The following PTPRN2 variants were observed in gnomAD, a reference collection of about 807,000 sequenced individuals.
PTPRN2 encodes protein tyrosine phosphatase receptor type N2.
In PTPRN2, 74 loss-of-function variants were observed where a neutral mutation model predicts 118.8. The observed-to-expected ratio is 0.62, with a 90% CI of 0.52 to 0.76. PTPRN2 has a LOEUF of 0.76. PTPRN2 is among the 30% of genes least tolerant of loss of function. The pLI is 0.00. For synonymous variants in PTPRN2, 641 were observed against 608.0 expected (o/e 1.05, Z -0.80); for missense variants, 1,481 against 1,394.4 (o/e 1.06, Z -0.99).
chr7:157,655,368 C>G (rs558264918), intron 14 of PTPRN2, among the ~76,000 whole-genome samples: 2 of 152,364 alleles, frequency 1.3e-5, no homozygotes, highest in Non-Finnish European at 2.9e-5. Context: ...AGGCCTCCAG[C>G]CTTGATCTCC....
At chr7:158,131,233 CAACA>C (rs199798384) in intron 9 of PTPRN2, among the ~76,000 whole-genome samples, 2,822 of 151,768 alleles carry the variant, frequency 0.019, 70 homozygotes, top group African/African-American at 0.057. Context: ...CACACACACC[CAACA>C]AACACACATA....
rs549285930 is a variant in PTPRN2, at chr7:158,506,478, C to T, written c.113-16693G>A. ...TCAGAGGCTTCCTGAGCCAAGCACA[C>T]GGGAGAGGAACCCACCCAGGCCACC... On this transcript the variant is annotated intron_variant, in intron 1 of 22. Transcript: ENST00000389418. 1.7e-4 allele frequency among the ~76,000 whole-genome samples: 26 copies of T among 152,222 alleles called. No homozygotes were observed. In the East Asian group the frequency reaches 2.3e-3, roughly 14 times the overall value.
At chr7:157,561,439 C>T (rs538760861) in intron 21 of PTPRN2, among the ~76,000 whole-genome samples, 1 of 152,374 alleles carries the variant, frequency 6.6e-6, no homozygotes, top group South Asian at 2.1e-4. Context: ...AGCGAAGCTG[C>T]CCCTCTGTCC....
At chr7:158,243,123 A>C (rs1795991277) in intron 3 of PTPRN2, among the ~76,000 whole-genome samples, 2 of 152,338 alleles carry the variant, frequency 1.3e-5, no homozygotes, top group Admixed American at 1.3e-4. Flanking sequence ...TAGAAAACAA[A>C]ATAAGCTAAC....
intron 5 of PTPRN2, among the ~76,000 whole-genome samples, chr7:158,171,310 T>C (rs200892810): frequency 0.043 from 2,919 of 67,434 alleles, 161 homozygotes; most frequent in South Asian, 0.086. Flanking sequence ...TATACACACA[T>C]ATATATATAT....
At chr7:158,095,249 G>C (rs1434878325) in intron 10 of PTPRN2, among the ~76,000 whole-genome samples, 1 of 150,606 alleles carries the variant, frequency 6.6e-6, no homozygotes, top group Non-Finnish European at 1.5e-5. Flanking sequence ...AGAAAAATAA[G>C]AATAACGCCA....
rs1166824661 is a variant in PTPRN2 at position 157,622,986 on chromosome 7, C to T, written c.2197-1477G>A. On this transcript the variant is annotated intron_variant, in intron 14 of 22. Coordinates refer to ENST00000389418, the MANE Select transcript of PTPRN2 (RefSeq NM_002847.5). This position sits in a 1 kb window ranked among gnomAD's most constrained non-coding sequence, Gnocchi z 5.3. ...CCAAAGCGAACGAGTTCATCTACTC[C>T]CGTCACCAGCCCCGACACCCAGGAA... 6.6e-6 allele frequency among the ~76,000 whole-genome samples: 1 copy of T among 152,184 alleles called. No individual in the cohort carries two copies. The highest frequency in any genetic ancestry group is 2.4e-5 in the African/African-American group (1 of 41,446).
At chr7:158,333,451 C>G (rs1353636037) in intron 2 of PTPRN2, among the ~76,000 whole-genome samples, 4 of 146,130 alleles carry the variant, frequency 2.7e-5, no homozygotes, top group Non-Finnish European at 5.9e-5. Context: ...CTGCAGACGT[C>G]TCTCACACCC....
At chr7:158,085,849 T>C (rs1813354508) in intron 10 of PTPRN2, among the ~76,000 whole-genome samples, 1 of 122,258 alleles carries the variant, frequency 8.2e-6, no homozygotes, top group Non-Finnish European at 1.7e-5. Flanking sequence ...ATGACGCCCA[T>C]CCACACCCAC....
chr7:158,350,141 G>T (rs1807816760), intron 2 of PTPRN2, among the ~76,000 whole-genome samples: 1 of 152,158 alleles, frequency 6.6e-6, no homozygotes, highest in South Asian at 2.1e-4. Context: ...AGAAGGCCCT[G>T]GCATGTTCAC....
intron 11 of PTPRN2, among the ~76,000 whole-genome samples, chr7:157,969,515 G>C (rs1802171977): frequency 6.6e-6 from 1 of 152,178 alleles, no homozygotes; most frequent in Non-Finnish European, 1.5e-5. Context: ...TGGGGAGCTG[G>C]GAGGTGGTGG....
chr7:157,774,435 T>G (rs1213239039), intron 12 of PTPRN2, among the ~76,000 whole-genome samples: 1 of 152,174 alleles, frequency 6.6e-6, no homozygotes, highest in African/African-American at 2.4e-5. Flanking sequence ...CTGCGAGGGT[T>G]TAGAAGGGAT....
intron 1 of PTPRN2, among the ~76,000 whole-genome samples, chr7:158,566,338 G>A (rs1350937249): frequency 2.0e-5 from 3 of 150,362 alleles, no homozygotes; most frequent in Non-Finnish European, 4.4e-5. Flanking sequence ...TGGGTGACAA[G>A]AGCAAAACTG....
intron 12 of PTPRN2, among the ~76,000 whole-genome samples, chr7:157,897,867 G>A (rs1175265955): frequency 6.6e-6 from 1 of 152,284 alleles, no homozygotes; most frequent in African/African-American, 2.4e-5. Context: ...ATCTCTAATG[G>A]CGAGCGCTGT....
intron 12 of PTPRN2, among the ~76,000 whole-genome samples, chr7:157,879,393 ACTCGTGCACG>A (rs1795987764): frequency 1.3e-5 from 2 of 151,940 alleles, no homozygotes; most frequent in African/African-American, 4.8e-5. Context: ...ACACACACAC[ACTCGTGCACG>A]CACACGTGCA....
chr7:158,543,102 G>A (rs1261977711), intron 1 of PTPRN2, among the ~76,000 whole-genome samples: 2 of 152,232 alleles, frequency 1.3e-5, no homozygotes, highest in African/African-American at 4.8e-5. Flanking sequence ...GATTTCATTT[G>A]AAGAAAAGGT....
At chr7:158,175,049 G>T (rs1426852014) in intron 5 of PTPRN2, among the ~76,000 whole-genome samples, 1 of 152,230 alleles carries the variant, frequency 6.6e-6, no homozygotes, top group African/African-American at 2.4e-5. Context: ...CATGCCGGGA[G>T]ACTCTGGGTG....
In PTPRN2 at chr7:158,587,649, C is replaced by T; in HGVS notation, c.21G>A (p.Leu7=). ...GCAGCAGCAGCAGTAGCAGCAGCAG[C>T]AGCGGGAGCGGCGGCCCCATCCCCG... MGPPLP[L]LLLLLLLLPP... The change falls in exon 1 of 23, where the codon CTG becomes CTA. Residue 7 remains leucine, a synonymous_variant. Transcript: ENST00000389418. 1 of 1,363,296 alleles carries T rather than the reference C, an allele frequency of 7.3e-7. No individual in the cohort carries two copies. The highest frequency in any genetic ancestry group is 9.4e-7 in the Non-Finnish European group (1 of 1,060,676). 84.4% of individuals were successfully genotyped at this position (1,363,296 alleles called of 1,614,324 possible). A position where few individuals can be genotyped will look rare whatever the true frequency, so the allele number is the denominator to read the frequency against.
intron 22 of PTPRN2, among the ~76,000 whole-genome samples, chr7:157,542,311 C>A (rs1288323001): frequency 6.6e-6 from 1 of 152,220 alleles, no homozygotes; most frequent in Non-Finnish European, 1.5e-5. Context: ...TGCCCTGAGG[C>A]TCTGTGAGGG....
Sources: allele counts gnomAD v4.1 joint callset (sites outside exome capture counted in the v4.1 genomes callset), GRCh38; gene constraint gnomAD v4.1.1; non-coding constraint Gnocchi (gnomAD v3.1); transcripts MANE v1.5; gene names NCBI Gene and HGNC (gene_info 2026-07-23, HGNC 2026-07-21).